PDE1C: variants seen among roughly 807,000 people sequenced by gnomAD.
The protein encoded by PDE1C is dual specificity calcium/calmodulin-dependent 3',5'-cyclic nucleotide phosphodiesterase 1C.
PDE1C carries 62 observed loss-of-function variants against 93.1 expected under a neutral mutation model. The observed-to-expected ratio is 0.67, with a 90% CI of 0.54 to 0.82. The LOEUF (loss-of-function observed/expected upper bound fraction) is 0.82, where lower values mean the gene tolerates loss of function less well. PDE1C is among the 40% of genes least tolerant of loss of function. PDE1C has a pLI of 0.00. For synonymous variants in PDE1C, 325 were observed against 310.1 expected, an observed-to-expected ratio of 1.05 and a Z score of -0.50; for missense variants, 742 against 884.6, an observed-to-expected ratio of 0.84 and a Z score of 2.04.
chr7:32,424,106 C>G (rs1785484931), intron 1 of PDE1C, among the ~76,000 whole-genome samples: 1 of 152,202 alleles, frequency 6.6e-6, no homozygotes, highest in African/African-American at 2.4e-5. Context: ...CTCTTTTCCA[C>G]TAGTGAGATC....
the PDE1C span, among the ~76,000 whole-genome samples, chr7:31,646,128 G>A: frequency 6.6e-6 from 1 of 152,108 alleles, no homozygotes; most frequent in African/African-American, 2.4e-5. Context: ...GCATTACAAA[G>A]ATTTTAAGTC....
downstream of PDE1C, among the ~76,000 whole-genome samples, chr7:31,750,213 GAAGT>G (rs1164198779): frequency 2.0e-5 from 3 of 152,130 alleles, no homozygotes; most frequent in Admixed American, 6.5e-5. Flanking sequence ...GTGGTTGCAG[GAAGT>G]AAGTCTCAGG....
At chr7:31,833,023 T>G (rs1477685769) in intron 11 of PDE1C, among the ~76,000 whole-genome samples, 1 of 152,146 alleles carries the variant, frequency 6.6e-6, no homozygotes, top group East Asian at 1.9e-4. Flanking sequence ...GTAGCTCCTA[T>G]AATTCCCATG....
At chr7:32,027,797 C>T (rs1789689106) in intron 2 of PDE1C, among the ~76,000 whole-genome samples, 1 of 151,336 alleles carries the variant, frequency 6.6e-6, no homozygotes, top group African/African-American at 2.4e-5. Flanking sequence ...TAGTGATTGC[C>T]ATTTTCCTCA....
At chr7:32,177,869 C>T (rs1270226348) in intron 2 of PDE1C, among the ~76,000 whole-genome samples, 1 of 152,114 alleles carries the variant, frequency 6.6e-6, no homozygotes, top group Non-Finnish European at 1.5e-5. Flanking sequence ...AATAATAAAC[C>T]CTACCAAGAC....
intron 3 of PDE1C, among the ~76,000 whole-genome samples, chr7:32,144,557 G>T (rs1169844126): frequency 6.6e-6 from 1 of 152,224 alleles, no homozygotes; most frequent in Admixed American, 6.5e-5. Context: ...TGAGCTGGAA[G>T]TAGGGGAGCC....
At chr7:32,288,310 T>C (rs1456108307) in intron 1 of PDE1C, among the ~76,000 whole-genome samples, 1 of 152,188 alleles carries the variant, frequency 6.6e-6, no homozygotes, top group African/African-American at 2.4e-5. Flanking sequence ...TTTGGGAAAG[T>C]GCTTTACCAA....
chr7:31,696,886 C>T, the PDE1C span: 1 of 1,475,184 alleles, frequency 6.8e-7, no homozygotes, highest in East Asian at 2.3e-5. Context: ...CACCAGATGT[C>T]TATAAATATG....
chr7:31,738,057 C>T, the PDE1C span, among the ~76,000 whole-genome samples: 1 of 152,180 alleles, frequency 6.6e-6, no homozygotes, highest in South Asian at 2.1e-4. Flanking sequence ...GTCACCCAGT[C>T]CTCTCCTGTG....
chr7:32,026,873 G>A (rs1789505476), intron 2 of PDE1C, among the ~76,000 whole-genome samples: 1 of 152,020 alleles, frequency 6.6e-6, no homozygotes, highest in Non-Finnish European at 1.5e-5. Flanking sequence ...AAGACATAGA[G>A]AAAACATGAA....
At chr7:32,075,316 G>A (rs1796288778), upstream of PDE1C, among the ~76,000 whole-genome samples, 1 of 152,142 alleles carries the variant, frequency 6.6e-6, no homozygotes, top group Admixed American at 6.6e-5. Context: ...GTGGCATCAT[G>A]AAGAGAGTCT....
chr7:32,342,116 T>A (rs555521042), intron 1 of PDE1C, among the ~76,000 whole-genome samples: 1 of 152,332 alleles, frequency 6.6e-6, no homozygotes, highest in Non-Finnish European at 1.5e-5. Flanking sequence ...ATCAATATTA[T>A]GAACACTAAT....
intron 2 of PDE1C, among the ~76,000 whole-genome samples, chr7:31,888,578 C>T (rs1798253978): frequency 6.6e-6 from 1 of 151,924 alleles, no homozygotes; most frequent in Admixed American, 6.6e-5. Flanking sequence ...AAAAGGATAT[C>T]ATAAATTCCT....
chr7:31,829,033 T>C (rs1435341491), intron 11 of PDE1C, among the ~76,000 whole-genome samples: 1 of 152,134 alleles, frequency 6.6e-6, no homozygotes, highest in African/African-American at 2.4e-5. Flanking sequence ...GTCTAAATAA[T>C]AATGGAGATG....
At chr7:32,374,307 G>GA (rs1254001446) in intron 1 of PDE1C, among the ~76,000 whole-genome samples, 11 of 144,206 alleles carry the variant, frequency 7.6e-5, no homozygotes, top group East Asian at 4.0e-4. Context: ...AAGAAAGAAA[G>GA]AAGAAAAGAA....
intron 2 of PDE1C, among the ~76,000 whole-genome samples, chr7:32,170,950 C>A (rs989799521): frequency 2.0e-5 from 3 of 152,120 alleles, no homozygotes; most frequent in Non-Finnish European, 2.9e-5. Context: ...TATTAGGCAG[C>A]CCCTAGGCTC....
At chr7:31,869,421 CA>C (rs1400517994) in intron 6 of PDE1C, among the ~76,000 whole-genome samples, 1 of 151,784 alleles carries the variant, frequency 6.6e-6, no homozygotes, top group East Asian at 1.9e-4. Flanking sequence ...AAGAAAAAGA[CA>C]TAAAAAATAT....
chr7:31,882,225 C>T lies in PDE1C; in HGVS notation c.129-1365G>A, dbSNP rs139369428. 1.0e-3 allele frequency among the ~76,000 whole-genome samples: 159 copies of T among 152,186 alleles called. 4 individuals are homozygous for T. In the South Asian group the frequency reaches 0.019, roughly 18 times the overall value. On this transcript the variant is annotated intron_variant, in intron 2 of 17. Transcript: ENST00000396191. ...AATTACGAATCTGCAATATATCAAA[C>T]GGAAATATGCAAAGGAAATCAGCAG...
chr7:32,424,322 C>T (rs985262881), intron 1 of PDE1C, among the ~76,000 whole-genome samples: 2 of 152,226 alleles, frequency 1.3e-5, no homozygotes, highest in African/African-American at 4.8e-5. Flanking sequence ...ATACCCTGAG[C>T]TGTACTTTCC....
Sources: gnomAD v4.1 joint callset for allele counts (sites outside exome capture counted in the v4.1 genomes callset) on GRCh38, gnomAD v4.1.1 for gene constraint, MANE v1.5 for transcripts, NCBI Gene and HGNC (gene_info 2026-07-23, HGNC 2026-07-21) for gene names.